ATP2B4: variants seen among roughly 807,000 people sequenced by gnomAD.
ATP2B4 encodes plasma membrane calcium-transporting ATPase 4.
ATP2B4 carries 39 observed loss-of-function variants against 110.3 expected under a neutral mutation model. That is an observed-to-expected ratio of 0.35 (90% CI 0.27 to 0.46). ATP2B4 has a LOEUF of 0.46. Among genes scored for constraint, ATP2B4 ranks in the 20% least tolerant of loss-of-function variants. ATP2B4 has a pLI of 1.00. For synonymous variants in ATP2B4, 538 were observed against 571.7 expected (o/e 0.94, Z 0.84); for missense variants, 1,135 against 1,530.9 (o/e 0.74, Z 4.32).
At chr1:203,729,759 G>T in intron 20 of ATP2B4, 1 of 1,344,688 alleles carries the variant, frequency 7.4e-7, no homozygotes. Flanking sequence ...ACATCCAATT[G>T]GGCAGGCATT....
intron 1 of ATP2B4, among the ~76,000 whole-genome samples, chr1:203,672,815 C>A (rs1447194146): frequency 6.6e-6 from 1 of 152,136 alleles, no homozygotes; most frequent in Non-Finnish European, 1.5e-5. Flanking sequence ...TCCACTGGAA[C>A]CTGAAAGGGG....
intron 13 of ATP2B4, among the ~76,000 whole-genome samples, chr1:203,712,791 C>T (rs749990062): frequency 1.3e-5 from 2 of 152,034 alleles, no homozygotes; most frequent in Admixed American, 6.6e-5. Flanking sequence ...TGTGGTCTGG[C>T]GGTGGCACAG....
intron 1 of ATP2B4, among the ~76,000 whole-genome samples, chr1:203,660,512 G>T (rs373401501): frequency 8.6e-5 from 13 of 151,998 alleles, no homozygotes; most frequent in Non-Finnish European, 7.4e-5. Flanking sequence ...GGTGGGGGGT[G>T]GGGGGAGGCC....
chr1:203,634,565 A>G (rs1007752881), intron 1 of ATP2B4, among the ~76,000 whole-genome samples: 3 of 152,224 alleles, frequency 2.0e-5, no homozygotes, highest in African/African-American at 7.2e-5. Context: ...AATGGATACT[A>G]AAACCACTGG....
intron 15 of ATP2B4, among the ~76,000 whole-genome samples, chr1:203,714,673 T>C (rs1364715067): frequency 1.3e-5 from 2 of 152,238 alleles, no homozygotes; most frequent in East Asian, 1.9e-4. Flanking sequence ...GGAAAGTTCA[T>C]GTGAAATCAC....
chr1:203,657,664 A>AGCCTCTCGTTCATG (rs1664202987), intron 1 of ATP2B4: 1 of 794,374 alleles, frequency 1.3e-6, no homozygotes, highest in African/African-American at 1.7e-5. Flanking sequence ...TCTCGTTCAT[A>AGCCTCTCGTTCATG]AGCCTCTCAG....
intron 1 of ATP2B4, among the ~76,000 whole-genome samples, chr1:203,653,849 G>A (rs949644276): frequency 3.3e-5 from 5 of 151,820 alleles, no homozygotes; most frequent in African/African-American, 4.8e-5. Context: ...GAGCCACCAC[G>A]CCAGGCTTCT....
At chr1:203,728,425 T>G (rs1238756266) in intron 20 of ATP2B4, 2 of 233,618 alleles carry the variant, frequency 8.6e-6, no homozygotes, top group East Asian at 2.7e-4. Flanking sequence ...ATCCTGAGAT[T>G]TTCCATTTCA....
rs994384619 is a variant in ATP2B4 at position 203,629,521 on chromosome 1, C to A, written c.-465+2302C>A. Among the ~76,000 whole-genome samples, 1 of 152,104 alleles carries A rather than the reference C, an allele frequency of 6.6e-6. No individual in the cohort carries two copies. Among genetic ancestry groups the A allele is most frequent in the Non-Finnish European group, 1.5e-5 (1 of 68,016 alleles). ...GCACCGGGTCGCCTGAGCCCGGGGT[C>A]GCGGCCAAAGGGGTAATCGGCTCCC... is the stretch of plus-strand genomic sequence containing the variant. On this transcript the variant is annotated intron_variant, in intron 1 of 20. Coordinates refer to ENST00000357681, the MANE Select transcript of ATP2B4 (RefSeq NM_001684.5). The surrounding 1 kb of genome is among the most constrained non-coding windows in gnomAD (Gnocchi z 4.6).
intron 20 of ATP2B4, among the ~76,000 whole-genome samples, chr1:203,732,532 T>C (rs1351611903): frequency 6.6e-6 from 1 of 152,168 alleles, no homozygotes; most frequent in Non-Finnish European, 1.5e-5. Context: ...CAGGGGTCTT[T>C]CCATCATGGC....
intron 1 of ATP2B4, among the ~76,000 whole-genome samples, chr1:203,673,516 G>A (rs1314151803): frequency 6.6e-6 from 1 of 152,216 alleles, no homozygotes; most frequent in Admixed American, 6.5e-5. Context: ...TTTCAGCATG[G>A]AGCCCTCGCT....
chr1:203,676,935 C>A (rs1664846783), intron 1 of ATP2B4, among the ~76,000 whole-genome samples: 1 of 152,212 alleles, frequency 6.6e-6, no homozygotes, highest in Admixed American at 6.5e-5. Context: ...TGACCTATTT[C>A]AGTGCCTTTA....
intron 1 of ATP2B4, among the ~76,000 whole-genome samples, chr1:203,668,136 A>G (rs997488526): frequency 2.0e-5 from 3 of 152,178 alleles, no homozygotes; most frequent in African/African-American, 4.8e-5. Context: ...TAGCATCCAT[A>G]TGTCTATTCC....
At position 203,707,118 on chromosome 1, in the gene ATP2B4, C is replaced by T. The variant is rs1348339416; in HGVS notation, c.1209C>T (p.Ile403=). The T allele has an allele frequency of 1.2e-6, 2 of 1,614,142 alleles. No individual in the cohort carries two copies. The highest frequency in any genetic ancestry group is 1.7e-6 in the Non-Finnish European group (2 of 1,180,010). ...PWLPECTPIY[I]QYFVKFFIIG... Reference sequence around the variant, plus strand: ...TCCCTGAGTGTACTCCCATCTACATCCAGTACTTTGTCAAGTTCTTCATCA... The same window carrying T: ...TCCCTGAGTGTACTCCCATCTACATTCAGTACTTTGTCAAGTTCTTCATCA... The change falls in exon 9 of 21, where the codon ATC becomes ATT. Residue 403 remains isoleucine, a synonymous_variant. Transcript: ENST00000357681.
intron 1 of ATP2B4, among the ~76,000 whole-genome samples, chr1:203,633,080 T>C (rs1433389891): frequency 6.6e-6 from 1 of 152,180 alleles, no homozygotes; most frequent in Non-Finnish European, 1.5e-5. Flanking sequence ...TGGGAAAGTA[T>C]AAGTGAACTG....
intron 5 of ATP2B4, 141 bp from the exon 6 acceptor site, chr1:203,700,657 T>C (rs1308082969): frequency 1.6e-6 from 2 of 1,232,690 alleles, no homozygotes; most frequent in Non-Finnish European, 2.2e-6. Flanking sequence ...GCCCAGCTCT[T>C]GACCTTTTCC....
intron 1 of ATP2B4, among the ~76,000 whole-genome samples, chr1:203,628,560 CA>C (rs965937115): frequency 5.3e-5 from 8 of 152,088 alleles, no homozygotes; most frequent in Non-Finnish European, 1.2e-4. Context: ...GGAAGGGAAA[CA>C]AAATCCCATT....
chr1:203,648,125 T>C lies in ATP2B4; in HGVS notation c.-465+20906T>C, dbSNP rs112287561. Among the ~76,000 whole-genome samples, 818 of 152,278 alleles carry C rather than the reference T, an allele frequency of 5.4e-3. 7 individuals carry two copies. The highest frequency in any genetic ancestry group is 0.019 in the African/African-American group (786 of 41,564). ...ATCTGTGAGTGAGATTACTCATTCA[T>C]GGTGGAGAGGCTGGCTCCTGCTGGT... On this transcript the variant is annotated intron_variant, in intron 1 of 20. Coordinates refer to ENST00000357681, the MANE Select transcript of ATP2B4 (RefSeq NM_001684.5).
chr1:203,659,707 G>A (rs1664273791), intron 1 of ATP2B4, among the ~76,000 whole-genome samples: 2 of 152,108 alleles, frequency 1.3e-5, no homozygotes, highest in Admixed American at 6.5e-5. Flanking sequence ...GGGGAAGCCT[G>A]TAGTTCTAGC....
Sources: allele counts gnomAD v4.1 joint callset (sites outside exome capture counted in the v4.1 genomes callset), GRCh38; gene constraint gnomAD v4.1.1; non-coding constraint Gnocchi (gnomAD v3.1); transcripts MANE v1.5; gene names NCBI Gene and HGNC (gene_info 2026-07-23, HGNC 2026-07-21).